The following ARAP2 variants were observed in gnomAD, a reference collection of about 807,000 sequenced individuals.
The protein encoded by ARAP2 is ArfGAP with RhoGAP domain, ankyrin repeat and PH domain 2, also known as arf-GAP with Rho-GAP domain, ANK repeat and PH domain-containing protein 2.
ARAP2 carries 148 observed loss-of-function variants against 194.5 expected under a neutral mutation model. The ratio of observed to expected loss-of-function variants is 0.76; its 90% CI spans 0.67 to 0.87. The LOEUF is 0.87. Among genes scored for constraint, ARAP2 ranks in the 40% least tolerant of loss-of-function variants. ARAP2 has a pLI of 0.00. For synonymous variants in ARAP2, 695 were observed against 683.5 expected, an observed-to-expected ratio of 1.02 and a Z score of -0.26; for missense variants, 2,128 against 1,989.7, an observed-to-expected ratio of 1.07 and a Z score of -1.32.
At chr4:36,089,101 C>T (rs1712791641) in intron 28 of ARAP2, among the ~76,000 whole-genome samples, 1 of 152,028 alleles carries the variant, frequency 6.6e-6, no homozygotes, top group African/African-American at 2.4e-5. Context: ...AGAAAGTACC[C>T]CACTGACCCT....
chr4:36,158,569 T>C (rs1417105631), intron 15 of ARAP2, among the ~76,000 whole-genome samples, 161 bp downstream of exon 15: 2 of 152,182 alleles, frequency 1.3e-5, no homozygotes, highest in Non-Finnish European at 2.9e-5. Context: ...CTGCAGTACA[T>C]GAAATAATAT....
chr4:36,239,499 A>C (rs1252685548), intron 1 of ARAP2, among the ~76,000 whole-genome samples: 1 of 152,246 alleles, frequency 6.6e-6, no homozygotes, highest in East Asian at 1.9e-4. Flanking sequence ...TGAACCTTGA[A>C]GGTCATTATG....
chr4:36,172,769 G>C (rs375604136), intron 9 of ARAP2, among the ~76,000 whole-genome samples: 4 of 152,104 alleles, frequency 2.6e-5, no homozygotes, highest in African/African-American at 9.7e-5. Context: ...TTAAGAACTC[G>C]GTGCTTAAAC....
intron 1 of ARAP2, among the ~76,000 whole-genome samples, chr4:36,242,114 T>C (rs1219053580): frequency 6.6e-6 from 1 of 152,188 alleles, no homozygotes; most frequent in Non-Finnish European, 1.5e-5. Flanking sequence ...ATAACTAAAA[T>C]GATAAATTAC....
intron 2 of ARAP2, among the ~76,000 whole-genome samples, chr4:36,227,477 G>A (rs182864624): frequency 1.3e-5 from 2 of 152,162 alleles, no homozygotes; most frequent in African/African-American, 4.8e-5. Context: ...TACATTAACA[G>A]AGCCTTGTAA....
At chr4:36,198,769 C>T in intron 6 of ARAP2, among the ~76,000 whole-genome samples, 1 of 152,192 alleles carries the variant, frequency 6.6e-6, no homozygotes, top group East Asian at 1.9e-4. Flanking sequence ...CATCTTTGAG[C>T]TTTCGTAGGT....
chr4:36,201,360 T>A, intron 6 of ARAP2, among the ~76,000 whole-genome samples: 1 of 152,200 alleles, frequency 6.6e-6, no homozygotes, highest in East Asian at 1.9e-4. Context: ...TCCCTGTAGG[T>A]AGTAATAACA....
Position 36,193,578 on chromosome 4 carries a change from C to A in ARAP2, c.1557G>T (p.Lys519Asn). 6.4e-7 allele frequency: 1 copy of A among 1,574,614 alleles called. No individual in the cohort carries two copies. Among genetic ancestry groups the A allele is most frequent in the South Asian group, 1.2e-5 (1 of 81,920 alleles). Residue 519 changes from lysine (K) to asparagine (N), a missense_variant and splice_region_variant, in exon 7 of 33, where the codon AAG (lysine) becomes AAT (asparagine). Transcript: ENST00000303965. ...GLSISYYNNE[K>N]EMYSKGIIPL... ...TTTGAAAACTGTAAAATGTATTTAC[C>A]TTCTCATTATTGTAGTAAGAAATGC...
chr4:36,132,713 T>C (rs1422136901), intron 20 of ARAP2, among the ~76,000 whole-genome samples: 1 of 151,824 alleles, frequency 6.6e-6, no homozygotes, highest in African/African-American at 2.4e-5. Context: ...GAAATATCTG[T>C]TGAAAATGAG....
At chr4:36,243,951 G>A (rs1023911411) in intron 1 of ARAP2, 1 of 152,226 alleles carries the variant, frequency 6.6e-6, no homozygotes, top group Non-Finnish European at 1.5e-5. Flanking sequence ...CACCCTCCCG[G>A]GTCAAATCCC....
At chr4:36,219,764 T>C (rs1206685115) in intron 2 of ARAP2, among the ~76,000 whole-genome samples, 1 of 152,034 alleles carries the variant, frequency 6.6e-6, no homozygotes, top group African/African-American at 2.4e-5. Flanking sequence ...AAATATGAAA[T>C]ATCTAACAAA....
intron 30 of ARAP2, 138 bp from the exon 31 acceptor site, chr4:36,080,417 C>T: frequency 1.5e-6 from 1 of 651,266 alleles, no homozygotes; most frequent in African/African-American, 1.8e-5. Context: ...AAAAGTGGAA[C>T]ATTTCAGTAC....
chr4:36,097,885 G>A (rs1292520949), intron 27 of ARAP2, among the ~76,000 whole-genome samples: 1 of 151,856 alleles, frequency 6.6e-6, no homozygotes, highest in African/African-American at 2.4e-5. Flanking sequence ...TAAAACTGCG[G>A]GTAACAAAAC....
chr4:36,148,620 T>C (rs959648137), intron 16 of ARAP2, 113 bp from the exon 17 acceptor site: 2 of 757,898 alleles, frequency 2.6e-6, no homozygotes, highest in Admixed American at 2.8e-5. Context: ...ACTAATGTTA[T>C]GAAATCATCC....
rs555339316 is a variant in ARAP2, at chr4:36,159,599, A to G, written c.2443-94T>C. Reference sequence around the variant, plus strand: ...AGTCTGATAATTTCATGTATGGGATAAAGTCTGTATTCCTTTTATCCTAAG... The same window carrying G: ...AGTCTGATAATTTCATGTATGGGATGAAGTCTGTATTCCTTTTATCCTAAG... On this transcript the variant is annotated intron_variant, in intron 13 of 32. Coordinates refer to ENST00000303965, the MANE Select transcript of ARAP2 (RefSeq NM_015230.4). The G allele has an allele frequency of 1.8e-5, 21 of 1,141,224 alleles. No individual in the cohort carries two copies. The Admixed American group carries it at 3.9e-4, about 21-fold the overall frequency. The allele number at this position is 1,141,224 out of a possible 1,614,324, so 70.7% of individuals were successfully genotyped here.
At chr4:36,238,613 T>A (rs1229607747) in intron 1 of ARAP2, among the ~76,000 whole-genome samples, 1 of 152,244 alleles carries the variant, frequency 6.6e-6, no homozygotes, top group East Asian at 1.9e-4. Flanking sequence ...ATCTTGCAAA[T>A]TCAAGTTTTA....
chr4:36,107,823 G>A (rs61798095), intron 26 of ARAP2, 130 bp from the exon 27 acceptor site: 4 of 29,648 alleles, frequency 1.3e-4, no homozygotes, highest in South Asian at 2.9e-3. Context: ...CATATCTTAT[G>A]TTATATTATA....
chr4:36,049,331 A>G (rs1391206928), intron 3 of ARAP2, among the ~76,000 whole-genome samples: 1 of 152,140 alleles, frequency 6.6e-6, no homozygotes. Flanking sequence ...TCTTTAAGAA[A>G]ATTGGTCCTT....
At chr4:36,061,587 T>C (rs772877936), downstream of ARAP2, among the ~76,000 whole-genome samples, 2 of 152,256 alleles carry the variant, frequency 1.3e-5, no homozygotes, top group Non-Finnish European at 2.9e-5. Flanking sequence ...TGGACACTTA[T>C]GTTGCTTCCA....
Sources: allele counts gnomAD v4.1 joint callset (sites outside exome capture counted in the v4.1 genomes callset), GRCh38; gene constraint gnomAD v4.1.1; transcripts MANE v1.5; gene names NCBI Gene and HGNC (gene_info 2026-07-23, HGNC 2026-07-21).